TMEM35A: variants seen among roughly 807,000 people sequenced by gnomAD.
TMEM35A encodes nicotinic acetylcholine receptor chaperone.
For missense variants in TMEM35A, 83 were observed against 132.7 expected (o/e 0.63, Z 1.84); for synonymous variants, 50 against 54.7 (o/e 0.91, Z 0.38).
intron 1 of TMEM35A, among the ~76,000 whole-genome samples, chrX:101,083,998 G>A (rs1309664234): frequency 5.5e-5 from 6 of 109,430 alleles, no homozygotes; most frequent in Admixed American, 2.0e-4. Flanking sequence ...AGACCAGGCT[G>A]ACCAACATGG....
At chrX:101,085,261 T>C (rs773707725) in intron 1 of TMEM35A, among the ~76,000 whole-genome samples, 29 of 111,560 alleles carry the variant, frequency 2.6e-4, no homozygotes, top group African/African-American at 9.1e-4. Context: ...TGGATCCTGC[T>C]GTGTGGTGAA....
intron 1 of TMEM35A, among the ~76,000 whole-genome samples, chrX:101,090,717 C>A (rs1279986711): frequency 1.8e-5 from 2 of 111,257 alleles, no homozygotes; most frequent in African/African-American, 6.5e-5. Flanking sequence ...TATACCCATA[C>A]TTAGAGAATG....
chrX:101,090,227 A>G (rs1480241655), intron 1 of TMEM35A, among the ~76,000 whole-genome samples: 7 of 103,022 alleles, frequency 6.8e-5, no homozygotes, highest in African/African-American at 2.3e-4. Flanking sequence ...ATCTTGACTC[A>G]CTGAAACCTC....
intron 1 of TMEM35A, among the ~76,000 whole-genome samples, chrX:101,089,201 T>A (rs1046637972): frequency 6.6e-4 from 73 of 110,784 alleles, no homozygotes; most frequent in African/African-American, 2.3e-3. Context: ...AGAGGAAGAA[T>A]GACTAACACT....
Position 101,080,082 on chromosome X carries a change from C to T in TMEM35A, c.120+960C>T, listed in dbSNP as rs184494577. On this transcript the variant is annotated intron_variant, in intron 1 of 1. Coordinates refer to ENST00000372930, the MANE Select transcript of TMEM35A (RefSeq NM_021637.3). ...CCCTGTCACTTTGCCTCTTCTTTTC[C>T]CCACCCCAGCTGCTTCTCGTCGCCT... Among the ~76,000 whole-genome samples the T allele has an allele frequency of 1.2e-3, 138 of 111,804 alleles. 1 individual carries two copies. The highest frequency in any genetic ancestry group is 9.2e-3 in the Middle Eastern group (2 of 218).
chrX:101,094,499 T>C, intron 1 of TMEM35A, 74 bp from the exon 2 acceptor site: 8 of 1,066,034 alleles, frequency 7.5e-6, no homozygotes, highest in Non-Finnish European at 1.0e-5. Flanking sequence ...GAGAGGACTC[T>C]GCTTGTGTTT....
rs191567171 is a variant in TMEM35A at position 101,088,035 on chromosome X, T to C, written c.121-6538T>C. Among the ~76,000 whole-genome samples the C allele has an allele frequency of 3.2e-5, 3 of 94,497 alleles. No homozygotes were observed. In the East Asian group the frequency reaches 1.0e-3, roughly 31 times the overall value. The allele number at this position is 94,497 out of a possible 115,157, so 82.1% of individuals were successfully genotyped here. ...TCAAAATAAATAAATAAAATAAAAA[T>C]AAAAATACAAAAATTAGCCGGGCAT... On this transcript the variant is annotated intron_variant, in intron 1 of 1. Transcript: ENST00000372930.
intron 1 of TMEM35A, among the ~76,000 whole-genome samples, chrX:101,085,700 G>T (rs1000382303): frequency 9.0e-6 from 1 of 110,613 alleles, no homozygotes; most frequent in Non-Finnish European, 1.9e-5. Flanking sequence ...AGGCTGAGGC[G>T]GGCGGATCAC....
intron 1 of TMEM35A, among the ~76,000 whole-genome samples, chrX:101,089,955 G>A (rs1386595556): frequency 9.0e-6 from 1 of 111,232 alleles, no homozygotes; most frequent in Non-Finnish European, 1.9e-5. Context: ...TCTAGAGTGT[G>A]TGAACACTAT....
intron 1 of TMEM35A, among the ~76,000 whole-genome samples, chrX:101,084,083 G>T (rs1283563361): frequency 9.3e-6 from 1 of 106,976 alleles, no homozygotes. Flanking sequence ...AGCTACTCTG[G>T]TGGCTGAGGC....
chrX:101,085,426 C>T (rs2089304259), intron 1 of TMEM35A, among the ~76,000 whole-genome samples: 1 of 110,200 alleles, frequency 9.1e-6, no homozygotes, highest in African/African-American at 3.3e-5. Context: ...CATGGTGAAA[C>T]CCCATCTCTA....
intron 1 of TMEM35A, among the ~76,000 whole-genome samples, chrX:101,093,618 A>G (rs1339702670): frequency 6.2e-5 from 7 of 112,210 alleles, no homozygotes; most frequent in Admixed American, 2.9e-4. Context: ...CCGGCTAAAA[A>G]AAAGTATTAA....
intron 1 of TMEM35A, among the ~76,000 whole-genome samples, chrX:101,090,327 A>ATTTT (rs1199957258): frequency 4.5e-5 from 3 of 66,206 alleles, no homozygotes; most frequent in African/African-American, 5.3e-5. Context: ...TAATTTTTGT[A>ATTTT]TTTTTTTTTT....
intron 1 of TMEM35A, among the ~76,000 whole-genome samples, chrX:101,093,835 T>C (rs776631727): frequency 2.7e-5 from 3 of 111,312 alleles, no homozygotes; most frequent in Non-Finnish European, 5.6e-5. Flanking sequence ...TGGTGTCTAT[T>C]GAGGGCCCAC....
Position 101,096,233 on chromosome X carries a change from G to C in TMEM35A, c.*1277G>C, listed in dbSNP as rs1050065037. The C allele has an allele frequency of 4.5e-5, 5 of 111,383 alleles. No homozygotes were observed. The highest frequency in any genetic ancestry group is 1.6e-4 in the African/African-American group (5 of 30,548). 9.2% of individuals were successfully genotyped at this position (111,383 alleles called of 1,213,427 possible). ...TTTAATATTATTGTGCCAGGGATGGGGAAATGGGGGGGGTTGTGTGGGAAG... is the reference window on the plus strand; with the variant it reads ...TTTAATATTATTGTGCCAGGGATGGCGAAATGGGGGGGGTTGTGTGGGAAG... On this transcript the variant is annotated 3_prime_UTR_variant, in exon 2 of 2. Transcript: ENST00000372930.
In TMEM35A at chrX:101,079,087, AC is replaced by A; in HGVS notation, c.90del (p.Arg31GlyfsTer10). ...TGTTTTCATGGGGACTATCAAGCTG[AC>A]CCCCAGGCTCAGCAAGGATGCCTAC... Reference protein sequence around the residue: ...FFVFMGTIKLTPRLSKDAYSE... With the variant: ...FFVFMGTIKLXPRLSKDAYSE... On this transcript the variant is annotated frameshift_variant, in exon 1 of 2. Coordinates refer to ENST00000372930, the MANE Select transcript of TMEM35A (RefSeq NM_021637.3). LOFTEE classifies it high-confidence loss of function. 1 of 1,210,770 alleles carries A rather than the reference AC, an allele frequency of 8.3e-7. No individual in the cohort carries two copies. Among genetic ancestry groups the A allele is most frequent in the Non-Finnish European group, 1.1e-6 (1 of 895,153 alleles).
intron 1 of TMEM35A, among the ~76,000 whole-genome samples, chrX:101,090,330 T>A (rs1455632238): frequency 2.9e-5 from 3 of 104,838 alleles, no homozygotes; most frequent in African/African-American, 1.1e-4. Context: ...TTTTTGTATT[T>A]TTTTTTTTTT....
Position 101,079,905 on chromosome X carries a change from T to C in TMEM35A, c.120+783T>C, listed in dbSNP as rs931980206. Among the ~76,000 whole-genome samples, 22 of 111,807 alleles carry C rather than the reference T, an allele frequency of 2.0e-4. 2 individuals carry two copies. The Admixed American group carries it at 2.1e-3, about 11-fold the overall frequency. On this transcript the variant is annotated intron_variant, in intron 1 of 1. Coordinates refer to ENST00000372930, the MANE Select transcript of TMEM35A (RefSeq NM_021637.3). ...TTCCCCTCTGCAGAGTTGGAATCAA[T>C]CACGGAAGGTGACTGGCCAAAACAT...
chrX:101,088,445 C>G (rs1345379780), intron 1 of TMEM35A, among the ~76,000 whole-genome samples: 1 of 110,092 alleles, frequency 9.1e-6, no homozygotes, highest in African/African-American at 3.3e-5. Flanking sequence ...GACCCAGTCT[C>G]TACAAAAAAA....
Sources: gnomAD v4.1 joint callset for allele counts (sites outside exome capture counted in the v4.1 genomes callset) on GRCh38, gnomAD v4.1.1 for gene constraint, MANE v1.5 for transcripts, NCBI Gene and HGNC (gene_info 2026-07-23, HGNC 2026-07-21) for gene names.